C6orf52: variants seen among roughly 807,000 people sequenced by gnomAD.
C6orf52 encodes the protein putative uncharacterized protein C6orf52.
A neutral mutation model predicts 16.6 loss-of-function variants in C6orf52; 16 were observed. That is an observed-to-expected ratio of 0.96 (90% CI 0.65 to 1.46). C6orf52 has a LOEUF of 1.46. C6orf52 is among the 40% of genes most tolerant of loss of function. C6orf52 has a pLI of 0.00. For missense variants in C6orf52, 166 were observed against 182.3 expected, an observed-to-expected ratio of 0.91 and a Z score of 0.52; for synonymous variants, 53 against 61.4, an observed-to-expected ratio of 0.86 and a Z score of 0.64.
At chr6:10,678,143 A>G (rs1282027041) in intron 4 of C6orf52, among the ~76,000 whole-genome samples, 1 of 147,110 alleles carries the variant, frequency 6.8e-6, no homozygotes, top group Non-Finnish European at 1.5e-5. Context: ...GAGCTCAAAC[A>G]CCACTGCCCT....
At chr6:10,684,976 G>T in intron 3 of C6orf52, 1 of 1,036,946 alleles carries the variant, frequency 9.6e-7, no homozygotes, top group Non-Finnish European at 1.3e-6. Flanking sequence ...AAAAATGCAT[G>T]TTATAGTAAT....
At chr6:10,690,656 A>T (rs1464482182) in intron 1 of C6orf52, among the ~76,000 whole-genome samples, 1 of 152,220 alleles carries the variant, frequency 6.6e-6, no homozygotes, top group East Asian at 1.9e-4. Flanking sequence ...CTCAACAAAT[A>T]TTTGTTGAAT....
chr6:10,692,606 A>T (rs768853371), intron 1 of C6orf52, among the ~76,000 whole-genome samples: 9 of 152,186 alleles, frequency 5.9e-5, no homozygotes, highest in South Asian at 4.1e-4. Context: ...ACACCCAGCT[A>T]ATTTTTGTAT....
chr6:10,694,871 A>G (rs933768712), upstream of C6orf52: 5 of 722,488 alleles, frequency 6.9e-6, no homozygotes, highest in African/African-American at 7.2e-5. Flanking sequence ...CCTGACGTAT[A>G]ATTCGAGCGC....
chr6:10,683,130 G>T, intron 4 of C6orf52, 57 bp downstream of exon 4: 2 of 1,182,754 alleles, frequency 1.7e-6, no homozygotes, highest in South Asian at 1.5e-5. Context: ...CTGAGTGAAT[G>T]AGAAACCAGG....
intron 1 of C6orf52, among the ~76,000 whole-genome samples, chr6:10,690,834 T>C (rs1769225559): frequency 6.6e-6 from 1 of 152,228 alleles, no homozygotes. Flanking sequence ...AAATGGCTTT[T>C]TACATCCTGT....
Position 10,694,592 on chromosome 6 carries a change from GCCCCT to G in C6orf52, c.-115_-111del. 2.8e-5 allele frequency: 5 copies of G among 180,830 alleles called. No homozygotes were observed. Among genetic ancestry groups the G allele is most frequent in the South Asian group, 1.9e-4 (2 of 10,512 alleles). The allele number at this position is 180,830 out of a possible 1,614,324, so 11.2% of individuals were successfully genotyped here. A position where few individuals can be genotyped will look rare whatever the true frequency, so the allele number is the denominator to read the frequency against. ...AACAATGCACGCTGCCGGCGCTACA[GCCCCT>G]AAGCAACCGGCCGGAAGTCGGCCCC... On this transcript the variant is annotated 5_prime_UTR_variant, in exon 1 of 5. Transcript: ENST00000259983.
Position 10,693,353 on chromosome 6 carries a change from C to T in C6orf52, c.-12+1141G>A, listed in dbSNP as rs115059364. ...GCCTTGCTGAGAGATCTTTTGTCTC[C>T]ATGCTGACTTTTCTTCGTGTCACCA... On this transcript the variant is annotated intron_variant, in intron 1 of 4. Transcript: ENST00000259983. Among the ~76,000 whole-genome samples, 568 of 152,346 alleles carry T rather than the reference C, an allele frequency of 3.7e-3. 6 individuals are homozygous for T. The highest frequency in any genetic ancestry group is 0.012 in the African/African-American group (503 of 41,580).
intron 4 of C6orf52, among the ~76,000 whole-genome samples, chr6:10,679,801 A>T (rs1471242664): frequency 1.3e-5 from 2 of 152,184 alleles, no homozygotes; most frequent in Non-Finnish European, 2.9e-5. Flanking sequence ...CAGATCTTAG[A>T]GGAAAAGCTT....
intron 4 of C6orf52, chr6:10,672,710 C>T (rs1272596064): frequency 7.1e-6 from 4 of 565,078 alleles, no homozygotes; most frequent in Non-Finnish European, 1.3e-5. Context: ...ACAATGCATG[C>T]ATAAAGAGGT....
At chr6:10,692,249 A>G (rs1365359608) in intron 1 of C6orf52, among the ~76,000 whole-genome samples, 1 of 152,234 alleles carries the variant, frequency 6.6e-6, no homozygotes, top group Non-Finnish European at 1.5e-5. Flanking sequence ...ACATTTTTAA[A>G]GATAAAATGT....
rs1157270223 is a variant in C6orf52 at position 10,688,383 on chromosome 6, A to G, written c.-11-822T>C. The stretch of plus-strand genomic sequence containing the variant: ...TTACACAGTGTCAAAATTCAGGATA[A>G]CTTTTAAGTCCATATGGGGCACTTA... On this transcript the variant is annotated intron_variant, in intron 1 of 4. Transcript: ENST00000259983. 3.3e-5 allele frequency among the ~76,000 whole-genome samples: 5 copies of G among 152,156 alleles called. No homozygotes were observed. In the East Asian group the frequency reaches 9.6e-4, roughly 29 times the overall value.
intron 1 of C6orf52, among the ~76,000 whole-genome samples, chr6:10,693,653 C>G (rs985312870): frequency 2.0e-4 from 31 of 152,220 alleles, no homozygotes; most frequent in African/African-American, 4.8e-5. Flanking sequence ...CTATACGAAC[C>G]AAGATTTACT....
At chr6:10,671,861 TG>T (rs1330357744) in intron 4 of C6orf52, among the ~76,000 whole-genome samples, 4 of 152,056 alleles carry the variant, frequency 2.6e-5, no homozygotes, top group African/African-American at 9.7e-5. Flanking sequence ...TTCAGATGCT[TG>T]GGGGATGGAT....
intron 1 of C6orf52, among the ~76,000 whole-genome samples, chr6:10,692,409 TG>T (rs1436694682): frequency 6.6e-6 from 1 of 152,240 alleles, no homozygotes; most frequent in African/African-American, 2.4e-5. Context: ...TTTGATTTTT[TG>T]TAACACAATG....
rs1250024120 is a variant in C6orf52 at position 10,683,594 on chromosome 6, C to G, written c.271-362G>C. Among the ~76,000 whole-genome samples the G allele has an allele frequency of 2.0e-5, 3 of 152,328 alleles. No individual in the cohort carries two copies. In the East Asian group the frequency reaches 5.8e-4, roughly 29 times the overall value. The stretch of plus-strand genomic sequence containing the variant: ...CTTATTTCTTGTACTACATGCCTGA[C>G]TCTACCTAGAGTTCTGCTCCTCCTT... On this transcript the variant is annotated intron_variant, in intron 3 of 4. Coordinates refer to ENST00000259983, the MANE Select transcript of C6orf52 (RefSeq NM_001145020.3).
chr6:10,680,982 T>C (rs187998738), intron 4 of C6orf52, among the ~76,000 whole-genome samples: 2 of 152,184 alleles, frequency 1.3e-5, no homozygotes, highest in African/African-American at 4.8e-5. Flanking sequence ...TTAAATTTTT[T>C]GTAGAGACAA....
At chr6:10,672,599 G>T (rs1383910227) in intron 4 of C6orf52, 1 of 701,780 alleles carries the variant, frequency 1.4e-6, no homozygotes, top group South Asian at 1.5e-5. Flanking sequence ...TTAAATCTGG[G>T]AGTTTGAGAT....
intron 1 of C6orf52, among the ~76,000 whole-genome samples, chr6:10,689,768 G>T (rs1333343373): frequency 6.6e-6 from 1 of 152,218 alleles, no homozygotes; most frequent in East Asian, 1.9e-4. Flanking sequence ...TCATGCAGAA[G>T]AATACTGGGA....
Sources: gnomAD v4.1 joint callset for allele counts (sites outside exome capture counted in the v4.1 genomes callset) on GRCh38, gnomAD v4.1.1 for gene constraint, MANE v1.5 for transcripts, NCBI Gene and HGNC (gene_info 2026-07-23, HGNC 2026-07-21) for gene names.